Variants in ZC3H12B observed in about 807,000 individuals in gnomAD.
ZC3H12B encodes the protein zinc finger CCCH-type containing 12B.
Under a neutral mutation model 43.9 loss-of-function variants are expected in ZC3H12B, and 7 were observed. That is an observed-to-expected ratio of 0.16 (90% CI 0.09 to 0.30). The LOEUF is 0.30. Among genes scored for constraint, ZC3H12B ranks in the 10% least tolerant of loss-of-function variants. The pLI, the probability that ZC3H12B is intolerant of heterozygous loss-of-function variation, is 1.00. For synonymous variants in ZC3H12B, 222 were observed against 241.7 expected (o/e 0.92, Z 0.76); for missense variants, 475 against 670.2 (o/e 0.71, Z 3.22).
intron 3 of ZC3H12B, among the ~76,000 whole-genome samples, chrX:65,399,730 C>A (rs1449012343): frequency 2.7e-5 from 3 of 112,057 alleles, no homozygotes; most frequent in African/African-American, 9.7e-5. Context: ...TATCTGCACT[C>A]CCATGTTTAT....
chrX:65,355,614 A>G, the ZC3H12B span, among the ~76,000 whole-genome samples: 1 of 111,650 alleles, frequency 9.0e-6, no homozygotes, highest in Non-Finnish European at 1.9e-5. Flanking sequence ...GGTGAGAAAT[A>G]CCAGTTCTCT....
chrX:65,319,372 C>G, the ZC3H12B span, among the ~76,000 whole-genome samples: 260 of 111,552 alleles, frequency 2.3e-3, 2 homozygotes, highest in African/African-American at 7.8e-3. Context: ...AAGATTGAAC[C>G]AGCAAGAGAT....
intron 3 of ZC3H12B, among the ~76,000 whole-genome samples, chrX:65,445,669 A>G (rs2067366385): frequency 8.9e-6 from 1 of 112,175 alleles, no homozygotes; most frequent in Non-Finnish European, 1.9e-5. Flanking sequence ...ACTGATTTTG[A>G]TTCAAGGCAC....
the ZC3H12B span, among the ~76,000 whole-genome samples, chrX:65,054,393 A>G: frequency 9.0e-6 from 1 of 111,104 alleles, no homozygotes; most frequent in Non-Finnish European, 1.9e-5. Context: ...TGTTTTTGTC[A>G]GGTTTGTCAA....
chrX:65,139,565 G>A, the ZC3H12B span, among the ~76,000 whole-genome samples: 1 of 110,601 alleles, frequency 9.0e-6, no homozygotes, highest in Non-Finnish European at 1.9e-5. Context: ...TTGGGTGTTG[G>A]CACCTTTTGT....
intron 2 of ZC3H12B, among the ~76,000 whole-genome samples, chrX:65,392,838 G>A (rs748559690): frequency 8.8e-6 from 1 of 113,019 alleles, no homozygotes; most frequent in African/African-American, 3.2e-5. Context: ...AGAGAGATCG[G>A]ATTGTTACTG....
At chrX:65,083,972 C>T in the ZC3H12B span, among the ~76,000 whole-genome samples, 3 of 111,546 alleles carry the variant, frequency 2.7e-5, no homozygotes, top group Non-Finnish European at 5.7e-5. Context: ...ACACTGAACT[C>T]ATTTTCAACA....
upstream of ZC3H12B, among the ~76,000 whole-genome samples, chrX:65,484,044 T>G (rs2068095220): frequency 8.9e-6 from 1 of 112,275 alleles, no homozygotes; most frequent in Non-Finnish European, 1.9e-5. Flanking sequence ...TTGTGAATAG[T>G]GCTGCAATGA....
the ZC3H12B span, among the ~76,000 whole-genome samples, chrX:65,251,397 C>T: frequency 9.0e-5 from 10 of 111,554 alleles, no homozygotes; most frequent in Admixed American, 8.6e-4. Flanking sequence ...GTTCTTTTGG[C>T]TTAGGATTGA....
At chrX:65,097,697 AAATG>A in the ZC3H12B span, among the ~76,000 whole-genome samples, 6 of 112,435 alleles carry the variant, frequency 5.3e-5, no homozygotes, top group Non-Finnish European at 9.4e-5. Flanking sequence ...TTTGTAGAGA[AAATG>A]AAACAAATAG....
the ZC3H12B span, among the ~76,000 whole-genome samples, chrX:65,142,066 T>G: frequency 8.9e-6 from 1 of 112,165 alleles, no homozygotes; most frequent in Non-Finnish European, 1.9e-5. Context: ...AGTTCTACTT[T>G]TAGTTTTTTA....
chrX:65,445,936 C>A lies in ZC3H12B; in HGVS notation n.408-42710C>A, dbSNP rs187653355. Among the ~76,000 whole-genome samples, 169 of 112,074 alleles carry A rather than the reference C, an allele frequency of 1.5e-3. 2 individuals are homozygous for A. Among genetic ancestry groups the A allele is most frequent in the African/African-American group, 5.3e-3 (165 of 30,863 alleles). ...AAAGAGTGTTTTCCTATTGCCACCA[C>A]AGCTAAGAATGTGCTGGGTCACACC... On this transcript the variant is annotated intron_variant and non_coding_transcript_variant, in intron 3 of 5. Coordinates refer to the ZC3H12B transcript ENST00000617377.
At chrX:65,333,115 TG>T in the ZC3H12B span, among the ~76,000 whole-genome samples, 1 of 111,437 alleles carries the variant, frequency 9.0e-6, no homozygotes, top group Admixed American at 9.5e-5. Context: ...TTGGGGCTCC[TG>T]GGCCTGTCAG....
At chrX:65,218,395 C>A in the ZC3H12B span, among the ~76,000 whole-genome samples, 1 of 112,204 alleles carries the variant, frequency 8.9e-6, no homozygotes. Flanking sequence ...GCTTTCTCAG[C>A]TAGGAGGCTT....
the ZC3H12B span, among the ~76,000 whole-genome samples, chrX:65,080,957 A>AT: frequency 9.0e-6 from 1 of 110,604 alleles, no homozygotes; most frequent in Non-Finnish European, 1.9e-5. Context: ...GATATCAATA[A>AT]AACAGTAAAA....
At chrX:65,085,244 A>G in the ZC3H12B span, among the ~76,000 whole-genome samples, 120 of 111,534 alleles carry the variant, frequency 1.1e-3, no homozygotes, top group African/African-American at 3.9e-3. Flanking sequence ...GTGTACATTT[A>G]AAAATAACTA....
chrX:65,253,509 G>T, the ZC3H12B span, among the ~76,000 whole-genome samples: 3 of 111,895 alleles, frequency 2.7e-5, no homozygotes, highest in Non-Finnish European at 5.6e-5. Context: ...CACAGCCAGG[G>T]GCTCCCATAG....
chrX:65,405,224 C>G (rs1283912088), intron 3 of ZC3H12B, among the ~76,000 whole-genome samples: 1 of 112,040 alleles, frequency 8.9e-6, no homozygotes, highest in Non-Finnish European at 1.9e-5. Context: ...AGCTGTAAGT[C>G]CCTACATCAA....
At chrX:65,175,322 G>A in the ZC3H12B span, among the ~76,000 whole-genome samples, 338 of 111,502 alleles carry the variant, frequency 3.0e-3, 2 homozygotes, top group African/African-American at 0.01. Context: ...TGTTCCTTTG[G>A]CCTTCTTGCC....
Sources: allele counts gnomAD v4.1 joint callset (sites outside exome capture counted in the v4.1 genomes callset), GRCh38; gene constraint gnomAD v4.1.1; transcripts MANE v1.5; gene names NCBI Gene and HGNC (gene_info 2026-07-23, HGNC 2026-07-21).